The following ZNG1C variants were observed in gnomAD, a reference collection of about 807,000 sequenced individuals.
ZNG1C encodes zinc-regulated GTPase metalloprotein activator 1C.
the ZNG1C span, among the ~76,000 whole-genome samples, chr9:68,292,080 G>A: frequency 2.6e-5 from 4 of 151,326 alleles, no homozygotes; most frequent in African/African-American, 9.8e-5. Flanking sequence ...AGAAGAGAGA[G>A]AGCAATCACT....
chr9:68,287,500 T>A, the ZNG1C span, among the ~76,000 whole-genome samples: 3 of 152,294 alleles, frequency 2.0e-5, no homozygotes, highest in Admixed American at 6.5e-5. Flanking sequence ...AACATTTAGC[T>A]GATTTTATTT....
the ZNG1C span, among the ~76,000 whole-genome samples, chr9:68,257,417 T>G: frequency 0.026 from 1,355 of 52,548 alleles, 3 homozygotes; most frequent in Non-Finnish European, 0.035. Context: ...CTTGCATTGT[T>G]GTTCTTTTCA....
chr9:68,281,349 C>T, the ZNG1C span, among the ~76,000 whole-genome samples: 1 of 151,274 alleles, frequency 6.6e-6, no homozygotes. Flanking sequence ...ATTCGGCCAT[C>T]TTGGCTCCTC....
the ZNG1C span, among the ~76,000 whole-genome samples, chr9:68,297,285 G>T: frequency 2.1e-5 from 3 of 143,010 alleles, no homozygotes; most frequent in African/African-American, 5.2e-5. Flanking sequence ...GAGAATCCAC[G>T]AAAGAATGAA....
At chr9:68,291,772 T>C in the ZNG1C span, among the ~76,000 whole-genome samples, 1 of 151,998 alleles carries the variant, frequency 6.6e-6, no homozygotes, top group Non-Finnish European at 1.5e-5. Context: ...AAGTATCTCA[T>C]GTTTTTGGGC....
the ZNG1C span, among the ~76,000 whole-genome samples, chr9:68,286,920 T>TA: frequency 0.09 from 5,305 of 58,944 alleles, 441 homozygotes; most frequent in African/African-American, 0.16. Context: ...GAATTTATGG[T>TA]AAAAAAAAAA....
At chr9:68,271,941 C>T in the ZNG1C span, among the ~76,000 whole-genome samples, 1 of 150,004 alleles carries the variant, frequency 6.7e-6, no homozygotes, top group Admixed American at 6.7e-5. Context: ...GTTTTGTAAA[C>T]GTTTTTGAGT....
chr9:68,256,752 C>G, the ZNG1C span, among the ~76,000 whole-genome samples: 3 of 120,042 alleles, frequency 2.5e-5, no homozygotes, highest in African/African-American at 9.6e-5. Flanking sequence ...GGTTCTATCA[C>G]TATAATTCCC....
At chr9:68,249,061 G>A in the ZNG1C span, 17 of 542,878 alleles carry the variant, frequency 3.1e-5, no homozygotes, top group Middle Eastern at 1.1e-3. Flanking sequence ...ATTTTCTTTG[G>A]CAGTTGAATG....
At chr9:68,291,895 C>G in the ZNG1C span, among the ~76,000 whole-genome samples, 1 of 140,940 alleles carries the variant, frequency 7.1e-6, no homozygotes, top group Non-Finnish European at 1.5e-5. Context: ...GTACATTAAA[C>G]CAGCAAAGCT....
the ZNG1C span, chr9:68,285,769 G>GTA: frequency 4.9e-6 from 3 of 610,860 alleles, no homozygotes; most frequent in African/African-American, 3.7e-5. Flanking sequence ...CTGTGCATAT[G>GTA]TATATATATG....
At chr9:68,244,541 T>C in the ZNG1C span, among the ~76,000 whole-genome samples, 3 of 129,450 alleles carry the variant, frequency 2.3e-5, no homozygotes, top group East Asian at 6.3e-4. Flanking sequence ...TAAAAGTTTT[T>C]AGCAGCACTG....
the ZNG1C span, among the ~76,000 whole-genome samples, chr9:68,260,066 G>A: frequency 4.7e-4 from 71 of 150,178 alleles, no homozygotes; most frequent in East Asian, 3.3e-3. Flanking sequence ...ACAGTTTCAC[G>A]CAGAAAAATT....
At chr9:68,244,656 T>C in the ZNG1C span, among the ~76,000 whole-genome samples, 2 of 132,302 alleles carry the variant, frequency 1.5e-5, no homozygotes, top group Non-Finnish European at 3.2e-5. Context: ...TAGGATTTTC[T>C]TTTTTTCCTC....
chr9:68,281,305 C>G, the ZNG1C span, among the ~76,000 whole-genome samples: 2 of 152,208 alleles, frequency 1.3e-5, no homozygotes, highest in Non-Finnish European at 2.9e-5. Context: ...TTCTGCGTCT[C>G]TCACGCTGGG....
the ZNG1C span, among the ~76,000 whole-genome samples, chr9:68,286,769 T>A: frequency 6.6e-6 from 1 of 150,926 alleles, no homozygotes; most frequent in Non-Finnish European, 1.5e-5. Context: ...CTTGCATTTG[T>A]ATTCATTTTG....
At chr9:68,253,973 TA>T in the ZNG1C span, 12 of 46,698 alleles carry the variant, frequency 2.6e-4, 4 homozygotes, top group South Asian at 5.3e-3. Flanking sequence ...AATATGCCCT[TA>T]GTTCTTCTAA....
chr9:68,265,301 G>GT, the ZNG1C span, among the ~76,000 whole-genome samples: 1 of 111,674 alleles, frequency 9.0e-6, no homozygotes, highest in Non-Finnish European at 1.8e-5. Flanking sequence ...TGTACATACT[G>GT]TTGAAACCTG....
chr9:68,268,585 C>G, the ZNG1C span, among the ~76,000 whole-genome samples: 1 of 152,024 alleles, frequency 6.6e-6, no homozygotes, highest in Non-Finnish European at 1.5e-5. Flanking sequence ...TTTTGAGTAT[C>G]TACTCATTTT....
Sources: gnomAD v4.1 joint callset for allele counts (sites outside exome capture counted in the v4.1 genomes callset) on GRCh38, gnomAD v4.1.1 for gene constraint, MANE v1.5 for transcripts, NCBI Gene and HGNC (gene_info 2026-07-23, HGNC 2026-07-21) for gene names.